Variants in MYO1D observed in about 807,000 individuals in gnomAD.
MYO1D encodes unconventional myosin-Id.
A neutral mutation model predicts 122.0 loss-of-function variants in MYO1D; 83 were observed. That is an observed-to-expected ratio of 0.68 (90% CI 0.57 to 0.82). The LOEUF (loss-of-function observed/expected upper bound fraction) is 0.82, where lower values mean the gene tolerates loss of function less well. MYO1D is among the 40% of genes least tolerant of loss of function. The pLI is 0.00. For missense variants in MYO1D, 1,157 were observed against 1,269.5 expected (o/e 0.91, Z 1.35); for synonymous variants, 464 against 446.9 (o/e 1.04, Z -0.48).
intron 21 of MYO1D, among the ~76,000 whole-genome samples, chr17:32,565,091 C>T (rs1273495350): frequency 6.6e-6 from 1 of 152,180 alleles, no homozygotes; most frequent in African/African-American, 2.4e-5. Flanking sequence ...GCAACCTCTG[C>T]CTCCCAGGTT....
chr17:32,660,369 G>C (rs2088545914), intron 16 of MYO1D, among the ~76,000 whole-genome samples: 1 of 152,268 alleles, frequency 6.6e-6, no homozygotes, highest in African/African-American at 2.4e-5. Context: ...CACAGTATGG[G>C]TTCTGCAGAC....
At chr17:32,826,047 T>TA (rs2090719621) in intron 1 of MYO1D, among the ~76,000 whole-genome samples, 1 of 47,596 alleles carries the variant, frequency 2.1e-5, no homozygotes, top group Non-Finnish European at 4.7e-5. Flanking sequence ...AAACTCCATC[T>TA]TAAAAAAAAA....
intron 15 of MYO1D, among the ~76,000 whole-genome samples, chr17:32,714,839 C>T (rs915486234): frequency 5.3e-5 from 8 of 152,044 alleles, no homozygotes; most frequent in Non-Finnish European, 7.4e-5. Flanking sequence ...AGAGCTTCTA[C>T]ACAACAAACG....
intron 7 of MYO1D, 24 bp from the exon 8 acceptor site, chr17:32,765,105 A>C: frequency 1.9e-6 from 3 of 1,564,084 alleles, no homozygotes; most frequent in Non-Finnish European, 2.6e-6. Flanking sequence ...GAAAAAAATA[A>C]CACATTATGA....
In MYO1D at chr17:32,612,050, C is replaced by T. The variant is rs575434613; in HGVS notation, c.2710-6809G>A. 2.4e-4 allele frequency among the ~76,000 whole-genome samples: 36 copies of T among 152,048 alleles called. No homozygotes were observed. In the South Asian group the frequency reaches 7.1e-3, roughly 30 times the overall value. On this transcript the variant is annotated intron_variant, in intron 20 of 21. Transcript: ENST00000318217. Reference sequence around the variant, plus strand: ...AGCAACAGAAAAAAGAATGAAATAGCGTGGGAGCATAAAAAATAGAAAGCA... The same window carrying T: ...AGCAACAGAAAAAAGAATGAAATAGTGTGGGAGCATAAAAAATAGAAAGCA...
At chr17:32,554,921 G>A (rs1032018333) in intron 21 of MYO1D, among the ~76,000 whole-genome samples, 18 of 152,150 alleles carry the variant, frequency 1.2e-4, no homozygotes, top group African/African-American at 4.3e-4. Context: ...AGTGAAGTAT[G>A]CTCACACTTG....
In MYO1D at chr17:32,821,534, T is replaced by TCACACACACACACACA. The variant is rs575314294; in HGVS notation, c.96-40751_96-40750insTGTGTGTGTGTGTGTG. Among the ~76,000 whole-genome samples, 337 of 143,146 alleles carry TCACACACACACACACA rather than the reference T, an allele frequency of 2.4e-3. 2 individuals carry two copies. Among genetic ancestry groups the TCACACACACACACACA allele is most frequent in the African/African-American group, 7.7e-3 (306 of 39,710 alleles). The allele number at this position is 143,146 out of a possible 152,430, so 93.9% of individuals were successfully genotyped here. The stretch of plus-strand genomic sequence containing the variant: ...CCTTTGTCAGCTGAAGATAAGTAAA[T>TCACACACACACACACA]CACACATACACACACACACACACAC... On this transcript the variant is annotated intron_variant, in intron 1 of 21. Transcript: ENST00000318217.
chr17:32,769,614 A>C (rs1296280506), intron 6 of MYO1D, among the ~76,000 whole-genome samples: 1 of 151,894 alleles, frequency 6.6e-6, no homozygotes, highest in Non-Finnish European at 1.5e-5. Context: ...GAAAGATTAT[A>C]ATAAAAACAG....
chr17:32,752,892 G>T (rs2089911297), intron 11 of MYO1D, among the ~76,000 whole-genome samples: 1 of 151,986 alleles, frequency 6.6e-6, no homozygotes, highest in Admixed American at 6.6e-5. Context: ...CTTTTAAATG[G>T]TAGTTCTAAA....
At chr17:32,728,824 T>C (rs369487449) in intron 14 of MYO1D, among the ~76,000 whole-genome samples, 2 of 152,134 alleles carry the variant, frequency 1.3e-5, no homozygotes, top group East Asian at 1.9e-4. Context: ...AACCAGAAAA[T>C]AGTTGAATGG....
At chr17:32,652,455 C>T (rs1222930368) in intron 19 of MYO1D, among the ~76,000 whole-genome samples, 3 of 152,032 alleles carry the variant, frequency 2.0e-5, no homozygotes, top group Non-Finnish European at 4.4e-5. Flanking sequence ...TTAATTCCTC[C>T]TTTGTCTATT....
At chr17:32,651,640 G>A (rs2150948631) in intron 19 of MYO1D, among the ~76,000 whole-genome samples, 1 of 142,024 alleles carries the variant, frequency 7.0e-6, no homozygotes, top group Middle Eastern at 3.7e-3. Context: ...CACACATTTT[G>A]TCCTTTTCTC....
intron 20 of MYO1D, among the ~76,000 whole-genome samples, chr17:32,625,040 C>T (rs1398483253): frequency 3.3e-5 from 5 of 152,152 alleles, no homozygotes; most frequent in Non-Finnish European, 7.4e-5. Flanking sequence ...ATCTGCCTGC[C>T]TTGACCTCCC....
At chr17:32,809,144 A>C (rs1462120942) in intron 1 of MYO1D, among the ~76,000 whole-genome samples, 1 of 151,620 alleles carries the variant, frequency 6.6e-6, no homozygotes, top group African/African-American at 2.4e-5. Flanking sequence ...TAAAAAAAAA[A>C]AAAAAAACTG....
chr17:32,553,831 G>A (rs1231202996), intron 21 of MYO1D, among the ~76,000 whole-genome samples: 1 of 151,996 alleles, frequency 6.6e-6, no homozygotes, highest in Non-Finnish European at 1.5e-5. Context: ...CCTTTAAGCT[G>A]GCTTCCCAAT....
chr17:32,698,024 C>T (rs2089195995), intron 16 of MYO1D, among the ~76,000 whole-genome samples: 1 of 152,132 alleles, frequency 6.6e-6, no homozygotes, highest in Non-Finnish European at 1.5e-5. Context: ...GGTTCAAATC[C>T]CAGCTCTGGT....
At chr17:32,541,391 A>T (rs1910834029) in intron 21 of MYO1D, among the ~76,000 whole-genome samples, 1 of 152,214 alleles carries the variant, frequency 6.6e-6, no homozygotes, top group African/African-American at 2.4e-5. Flanking sequence ...GCAAAGCTAC[A>T]GGGGCAGAAA....
intron 15 of MYO1D, among the ~76,000 whole-genome samples, chr17:32,714,755 G>A (rs1318014498): frequency 3.3e-5 from 5 of 152,114 alleles, no homozygotes; most frequent in African/African-American, 1.2e-4. Flanking sequence ...TCAGGATACA[G>A]GCATGGGCAA....
chr17:32,597,589 C>T (rs970376892), intron 21 of MYO1D, among the ~76,000 whole-genome samples: 2 of 151,972 alleles, frequency 1.3e-5, no homozygotes, highest in Non-Finnish European at 2.9e-5. Flanking sequence ...GGATATCTTC[C>T]GGTTTAACTT....
Sources: gnomAD v4.1 joint callset for allele counts (sites outside exome capture counted in the v4.1 genomes callset) on GRCh38, gnomAD v4.1.1 for gene constraint, MANE v1.5 for transcripts, NCBI Gene and HGNC (gene_info 2026-07-23, HGNC 2026-07-21) for gene names.